The following ZNF18 variants were observed in gnomAD, a reference collection of about 807,000 sequenced individuals.
ZNF18 encodes the protein zinc finger protein 18, also known as heart development-specific gene 1 protein.
ZNF18 carries 42 observed loss-of-function variants against 58.1 expected under a neutral mutation model. That is an observed-to-expected ratio of 0.72 (90% CI 0.56 to 0.93). ZNF18 has a LOEUF of 0.93. Ranked by LOEUF, ZNF18 falls within the 40% of genes least tolerant of loss-of-function variation. ZNF18 has a pLI of 0.00. For synonymous variants in ZNF18, 231 were observed against 239.8 expected (o/e 0.96, Z 0.34); for missense variants, 540 against 644.2 (o/e 0.84, Z 1.75).
At chr17:11,986,478 G>A (rs1256907674) in intron 4 of ZNF18, among the ~76,000 whole-genome samples, 9 of 152,130 alleles carry the variant, frequency 5.9e-5, no homozygotes, top group Non-Finnish European at 1.2e-4. Flanking sequence ...TTTTTTGGGT[G>A]GGAAGGATAG....
intron 3 of ZNF18, 53 bp from the exon 4 acceptor site, chr17:11,990,603 C>A: frequency 7.0e-7 from 1 of 1,419,542 alleles, no homozygotes; most frequent in Non-Finnish European, 9.8e-7. Context: ...TTAACCACTC[C>A]CCAGAGGGCG....
chr17:11,999,577 T>C (rs1329433906), upstream of ZNF18, among the ~76,000 whole-genome samples: 2 of 152,254 alleles, frequency 1.3e-5, no homozygotes, highest in East Asian at 3.8e-4. Context: ...ATTTCTATTA[T>C]TCACTTACTC....
the ZNF18 span, among the ~76,000 whole-genome samples, chr17:12,011,688 G>A: frequency 8.2e-4 from 93 of 113,566 alleles, no homozygotes; most frequent in African/African-American, 2.9e-3. Flanking sequence ...CCAGCCAAAT[G>A]TTCTTAATTT....
chr17:11,995,094 T>A (rs1968378230), intron 1 of ZNF18, among the ~76,000 whole-genome samples: 1 of 151,998 alleles, frequency 6.6e-6, no homozygotes. Flanking sequence ...GTGGTCCTCA[T>A]TAAATTTATT....
Position 11,988,460 on chromosome 17 carries a change from G to T in ZNF18, c.666+2002C>A, listed in dbSNP as rs186278965. ...TAGAATCGACAGGGTAGAAAAACTGGAGAGAAGGAAACTGCACAAAGAGAA... is the reference window on the plus strand; with the variant it reads ...TAGAATCGACAGGGTAGAAAAACTGTAGAGAAGGAAACTGCACAAAGAGAA... On this transcript the variant is annotated intron_variant, in intron 4 of 6. Coordinates refer to ENST00000580306, the MANE Select transcript of ZNF18 (RefSeq NM_001303281.2). Among the ~76,000 whole-genome samples, 992 of 152,288 alleles carry T rather than the reference G, an allele frequency of 6.5e-3. 4 individuals are homozygous for T. Among genetic ancestry groups the T allele is most frequent in the Non-Finnish European group, 0.011 (728 of 68,028 alleles).
At chr17:11,989,121 T>C (rs1290573474) in intron 4 of ZNF18, among the ~76,000 whole-genome samples, 1 of 149,980 alleles carries the variant, frequency 6.7e-6, no homozygotes, top group African/African-American at 2.5e-5. Flanking sequence ...ATCGCGCCAC[T>C]GCACTCCAGC....
the ZNF18 span, among the ~76,000 whole-genome samples, chr17:12,020,411 C>A: frequency 6.6e-6 from 1 of 152,080 alleles, no homozygotes; most frequent in African/African-American, 2.4e-5. Flanking sequence ...CAGACTGTAA[C>A]CATAGCTCTA....
At chr17:11,979,677 A>C (rs1337910491) in intron 6 of ZNF18, among the ~76,000 whole-genome samples, 1 of 152,120 alleles carries the variant, frequency 6.6e-6, no homozygotes, top group Non-Finnish European at 1.5e-5. Flanking sequence ...TTTCTCTTTC[A>C]CATATTAGTG....
chr17:11,979,247 C>T (rs1309968458), intron 6 of ZNF18, among the ~76,000 whole-genome samples: 1 of 151,988 alleles, frequency 6.6e-6, no homozygotes, highest in Non-Finnish European at 1.5e-5. Flanking sequence ...TTTAATTTAA[C>T]CTATATGTAT....
the ZNF18 span, among the ~76,000 whole-genome samples, chr17:12,016,439 C>T: frequency 6.6e-6 from 1 of 152,086 alleles, no homozygotes; most frequent in Non-Finnish European, 1.5e-5. Flanking sequence ...AAGTGATTCT[C>T]CTGCCTCAGC....
At chr17:11,997,666 C>T (rs969166390), upstream of ZNF18, among the ~76,000 whole-genome samples, 1 of 152,248 alleles carries the variant, frequency 6.6e-6, no homozygotes, top group Non-Finnish European at 1.5e-5. Context: ...CCGTTCCTTC[C>T]GTCACTCACT....
At chr17:12,016,962 C>A in the ZNF18 span, among the ~76,000 whole-genome samples, 1 of 151,838 alleles carries the variant, frequency 6.6e-6, no homozygotes, top group Admixed American at 6.6e-5. Flanking sequence ...TTTGGGAGAC[C>A]AAGGCGGGTG....
the ZNF18 span, among the ~76,000 whole-genome samples, chr17:12,003,375 G>T: frequency 8.6e-5 from 13 of 151,870 alleles, no homozygotes; most frequent in African/African-American, 3.1e-4. Flanking sequence ...GGAAGGCAGA[G>T]GTTGCAGTGA....
At chr17:12,017,676 G>A in the ZNF18 span, among the ~76,000 whole-genome samples, 1 of 152,076 alleles carries the variant, frequency 6.6e-6, no homozygotes, top group Non-Finnish European at 1.5e-5. Context: ...TCGGGAGTTC[G>A]AGACCAGCCT....
At chr17:12,006,237 G>C in the ZNF18 span, among the ~76,000 whole-genome samples, 2 of 152,170 alleles carry the variant, frequency 1.3e-5, no homozygotes, top group African/African-American at 4.8e-5. Context: ...AATACAGGGA[G>C]TAATACAATT....
In ZNF18 at chr17:11,992,452, C is replaced by G; in HGVS notation, c.378G>C (p.Leu126=). 6.2e-7 allele frequency: 1 copy of G among 1,613,596 alleles called. No individual in the cohort carries two copies. The highest frequency in any genetic ancestry group is 2.2e-5 in the East Asian group (1 of 44,878). The change falls in exon 2 of 7, where the codon CTG becomes CTC. Residue 126 remains leucine (L), a synonymous_variant. Transcript: ENST00000580306. ...AATACCCTCTGCTTACCCATTGCCA[C>G]AGTCTCTGGGGGTCCCCCTTCAAGC... ...VESLKGDPQR[L]WQWISIQVLG...
At chr17:12,004,249 A>T in the ZNF18 span, among the ~76,000 whole-genome samples, 3 of 151,750 alleles carry the variant, frequency 2.0e-5, no homozygotes, top group Non-Finnish European at 4.4e-5. Flanking sequence ...AAAAAAAGTG[A>T]GGTCCTTACA....
At chr17:12,020,412 C>G in the ZNF18 span, among the ~76,000 whole-genome samples, 1 of 152,094 alleles carries the variant, frequency 6.6e-6, no homozygotes, top group African/African-American at 2.4e-5. Context: ...AGACTGTAAC[C>G]ATAGCTCTAG....
At chr17:12,018,063 T>C in the ZNF18 span, among the ~76,000 whole-genome samples, 1 of 152,186 alleles carries the variant, frequency 6.6e-6, no homozygotes, top group South Asian at 2.1e-4. Context: ...ATCATCTTAA[T>C]TTGTTATTTT....
Sources: allele counts gnomAD v4.1 joint callset (sites outside exome capture counted in the v4.1 genomes callset), GRCh38; gene constraint gnomAD v4.1.1; transcripts MANE v1.5; gene names NCBI Gene and HGNC (gene_info 2026-07-23, HGNC 2026-07-21).